The following RBFOX1 variants were observed in gnomAD, a reference collection of about 807,000 sequenced individuals.
The protein encoded by RBFOX1 is RNA binding protein fox-1 homolog 1.
RBFOX1 carries 8 observed loss-of-function variants against 57.7 expected under a neutral mutation model. That is an observed-to-expected ratio of 0.14 (90% CI 0.08 to 0.25). RBFOX1 has a LOEUF of 0.25. Ranked by LOEUF, RBFOX1 falls within the 10% of genes least tolerant of loss-of-function variation. The pLI, the probability that RBFOX1 is intolerant of heterozygous loss-of-function variation, is 1.00. For missense variants in RBFOX1, 611 were observed against 548.5 expected (o/e 1.11, Z -1.14); for synonymous variants, 326 against 222.4 (o/e 1.47, Z -4.15).
At chr16:7,245,381 G>C (rs2094249246) in intron 4 of RBFOX1, among the ~76,000 whole-genome samples, 1 of 152,042 alleles carries the variant, frequency 6.6e-6, no homozygotes, top group South Asian at 2.1e-4. Context: ...CATTGCATAG[G>C]TAAACATGTG....
chr16:6,367,357 G>A (rs985250806), intron 2 of RBFOX1, among the ~76,000 whole-genome samples: 5 of 152,084 alleles, frequency 3.3e-5, no homozygotes, highest in Non-Finnish European at 7.4e-5. Flanking sequence ...TGCAACCTCT[G>A]CCTCCCGGGT....
intron 2 of RBFOX1, among the ~76,000 whole-genome samples, chr16:6,520,831 C>G (rs535207549): frequency 1.3e-5 from 2 of 152,176 alleles, no homozygotes; most frequent in South Asian, 4.2e-4. Flanking sequence ...GCAGAGGGAA[C>G]TTCCAAAAAG....
At chr16:7,149,540 C>A (rs1483701331) in intron 4 of RBFOX1, among the ~76,000 whole-genome samples, 1 of 140,332 alleles carries the variant, frequency 7.1e-6, no homozygotes, top group Non-Finnish European at 1.5e-5. Flanking sequence ...AGCTGTAGTA[C>A]AGTGGTGCAA....
chr16:7,484,295 G>C (rs2064807630), intron 4 of RBFOX1, among the ~76,000 whole-genome samples: 1 of 152,158 alleles, frequency 6.6e-6, no homozygotes, highest in Non-Finnish European at 1.5e-5. Flanking sequence ...TGTGGAATTT[G>C]AGTACATGTC....
At chr16:7,302,644 A>G (rs1025925249) in intron 4 of RBFOX1, among the ~76,000 whole-genome samples, 1 of 152,126 alleles carries the variant, frequency 6.6e-6, no homozygotes, top group African/African-American at 2.4e-5. Context: ...AAAAAAAAAA[A>G]AAAAGAAAAT....
intron 14 of RBFOX1, among the ~76,000 whole-genome samples, chr16:7,699,984 T>C (rs1033361073): frequency 6.6e-6 from 1 of 152,186 alleles, no homozygotes; most frequent in African/African-American, 2.4e-5. Context: ...ATTTTAACGT[T>C]GCCTCCTGGT....
At chr16:7,204,031 C>T (rs532331605) in intron 4 of RBFOX1, among the ~76,000 whole-genome samples, 5 of 152,370 alleles carry the variant, frequency 3.3e-5, no homozygotes, top group East Asian at 1.9e-4. Context: ...ACTAACATTT[C>T]GATCTGCAGC....
At chr16:5,725,193 A>G (rs975580994) in intron 3 of RBFOX1, among the ~76,000 whole-genome samples, 2 of 152,228 alleles carry the variant, frequency 1.3e-5, no homozygotes, top group Admixed American at 6.5e-5. Flanking sequence ...TGCCAAAACA[A>G]TCCCTTGTGC....
chr16:7,265,969 T>G (rs1394557832), intron 4 of RBFOX1, among the ~76,000 whole-genome samples: 4 of 133,618 alleles, frequency 3.0e-5, no homozygotes, highest in Non-Finnish European at 4.8e-5. Context: ...TTTTTGTTTT[T>G]TTTTTTTTTT....
In RBFOX1 at chr16:6,106,264, C is replaced by T. The variant is rs549402869; in HGVS notation, c.-127+86272C>T. On this transcript the variant is annotated intron_variant, in intron 1 of 15. Coordinates refer to ENST00000550418, the MANE Select transcript of RBFOX1 (RefSeq NM_018723.4). ...CCTGAGGTCAGGCATTCCAGACTAC[C>T]CTGGCCAACATGGCAAAACCCCATC... Among the ~76,000 whole-genome samples, 3 of 150,800 alleles carry T rather than the reference C, an allele frequency of 2.0e-5. No individual in the cohort carries two copies. The Admixed American group carries it at 2.0e-4, about 10-fold the overall frequency.
At chr16:5,430,613 A>G (rs951803948) in intron 1 of RBFOX1, among the ~76,000 whole-genome samples, 15 of 152,100 alleles carry the variant, frequency 9.9e-5, no homozygotes, top group African/African-American at 3.6e-4. Flanking sequence ...GCAGAGTATC[A>G]GTTAGGTTGA....
chr16:5,416,794 T>G (rs546402092), intron 1 of RBFOX1, among the ~76,000 whole-genome samples: 42 of 152,328 alleles, frequency 2.8e-4, no homozygotes, highest in Non-Finnish European at 1.5e-5. Context: ...CAAAGCAATT[T>G]GCTTTGGCAA....
intron 4 of RBFOX1, among the ~76,000 whole-genome samples, chr16:7,325,176 T>C (rs1431708419): frequency 6.6e-6 from 1 of 152,216 alleles, no homozygotes; most frequent in East Asian, 1.9e-4. Context: ...AGCCATTTAC[T>C]GAGTGTTTGC....
rs561698429 is a variant in RBFOX1 at position 6,552,724 on chromosome 16, G to C, written c.-63-101879G>C. On this transcript the variant is annotated intron_variant, in intron 2 of 15. Transcript: ENST00000550418. ...AATTATGTGATATACACATACATATGTGTGTACATTTTATACCAAAAATTA... is the reference window on the plus strand; with the variant it reads ...AATTATGTGATATACACATACATATCTGTGTACATTTTATACCAAAAATTA... Among the ~76,000 whole-genome samples, 13 of 151,964 alleles carry C rather than the reference G, an allele frequency of 8.6e-5. No individual in the cohort carries two copies. In the South Asian group the frequency reaches 2.7e-3, roughly 32 times the overall value.
intron 4 of RBFOX1, among the ~76,000 whole-genome samples, chr16:7,474,702 C>G (rs1056512823): frequency 6.6e-6 from 1 of 152,208 alleles, no homozygotes; most frequent in Non-Finnish European, 1.5e-5. Flanking sequence ...TATGCTTTCC[C>G]TTTCCAGTTC....
chr16:5,915,953 G>T (rs1027138306), intron 4 of RBFOX1, among the ~76,000 whole-genome samples: 1 of 152,198 alleles, frequency 6.6e-6, no homozygotes, highest in East Asian at 1.9e-4. Context: ...GTTATTCAGT[G>T]CACTGCCCTA....
At chr16:6,564,364 G>A (rs1470006649) in intron 2 of RBFOX1, among the ~76,000 whole-genome samples, 2 of 152,112 alleles carry the variant, frequency 1.3e-5, no homozygotes, top group Admixed American at 6.5e-5. Context: ...TACTGTGTTC[G>A]TAAAAACATG....
chr16:7,510,515 G>GCGCGCGCA (rs143031548), intron 4 of RBFOX1, among the ~76,000 whole-genome samples: 5 of 151,076 alleles, frequency 3.3e-5, no homozygotes, highest in Non-Finnish European at 7.4e-5. Flanking sequence ...GTGTGTGGGC[G>GCGCGCGCA]CGCGCGCACG....
intron 3 of RBFOX1, among the ~76,000 whole-genome samples, chr16:5,684,418 G>A (rs983599146): frequency 2.0e-5 from 3 of 152,136 alleles, no homozygotes; most frequent in African/African-American, 7.2e-5. Flanking sequence ...GGACAAATGA[G>A]TGACGCCACA....
Sources: gnomAD v4.1 joint callset for allele counts (sites outside exome capture counted in the v4.1 genomes callset) on GRCh38, gnomAD v4.1.1 for gene constraint, MANE v1.5 for transcripts, NCBI Gene and HGNC (gene_info 2026-07-23, HGNC 2026-07-21) for gene names.